The following UNC79 variants were observed in gnomAD, a reference collection of about 807,000 sequenced individuals.
UNC79 encodes the protein protein unc-79 homolog.
UNC79 carries 37 observed loss-of-function variants against 283.1 expected under a neutral mutation model. That is an observed-to-expected ratio of 0.13 (90% CI 0.10 to 0.17). The LOEUF is 0.17. UNC79 is among the 10% of genes least tolerant of loss of function. UNC79 has a pLI of 1.00. For synonymous variants in UNC79, 1,107 were observed against 1,200.2 expected, an observed-to-expected ratio of 0.92 and a Z score of 1.61; for missense variants, 2,272 against 3,211.1, an observed-to-expected ratio of 0.71 and a Z score of 7.07.
chr14:93,499,952 T>C (rs919671266), intron 7 of UNC79, among the ~76,000 whole-genome samples: 7 of 151,574 alleles, frequency 4.6e-5, no homozygotes, highest in South Asian at 4.2e-4. Flanking sequence ...TATTTAGGAA[T>C]TGGAAAAAGT....
chr14:93,386,333 G>A (rs2054773853), intron 1 of UNC79, among the ~76,000 whole-genome samples: 2 of 152,150 alleles, frequency 1.3e-5, no homozygotes, highest in African/African-American at 4.8e-5. Flanking sequence ...ACTTGGTCAT[G>A]ATGAATGATC....
At chr14:93,571,792 A>C in intron 14 of UNC79, 102 bp from the exon 15 acceptor site, 1 of 1,217,534 alleles carries the variant, frequency 8.2e-7, no homozygotes, top group Middle Eastern at 2.6e-4. Context: ...GACATGATGG[A>C]TTGTGGCCTT....
exon 14 of UNC79, chr14:93,542,554 C>T (rs767462239): frequency 6.2e-7 from 1 of 1,614,168 alleles, no homozygotes; most frequent in Non-Finnish European, 8.5e-7. Flanking sequence ...CACTCCACTG[C>T]GTATATGATG....
rs187396217 is a variant in UNC79 at position 93,478,724 on chromosome 14, C to T, written c.619+996C>T. Reference sequence around the variant, plus strand: ...TAAGTGTCAGCTTGCTTCTCGCCTTCTCTCAACTATTGTTTTAGAAAAATA... The same window carrying T: ...TAAGTGTCAGCTTGCTTCTCGCCTTTTCTCAACTATTGTTTTAGAAAAATA... On this transcript the variant is annotated intron_variant, in intron 4 of 48. Coordinates refer to ENST00000555664, the Ensembl canonical transcript of UNC79. 2.3e-3 allele frequency among the ~76,000 whole-genome samples: 348 copies of T among 152,326 alleles called. 2 individuals are homozygous for T. Among genetic ancestry groups the T allele is most frequent in the African/African-American group, 7.7e-3 (322 of 41,570 alleles).
chr14:93,378,857 T>C (rs528888198), intron 1 of UNC79, among the ~76,000 whole-genome samples: 42 of 152,336 alleles, frequency 2.8e-4, no homozygotes, highest in African/African-American at 7.7e-4. Context: ...TTCAGTGTGA[T>C]GTATTTAAGA....
At chr14:93,689,496 T>TC (rs1395268352) in intron 44 of UNC79, 2 of 146,276 alleles carry the variant, frequency 1.4e-5, no homozygotes, top group Non-Finnish European at 2.9e-5. Context: ...TCTTTTTTTT[T>TC]TTTTTTTTTT....
At chr14:93,477,085 T>C (rs2057845106) in intron 3 of UNC79, among the ~76,000 whole-genome samples, 1 of 152,306 alleles carries the variant, frequency 6.6e-6, no homozygotes, top group East Asian at 1.9e-4. Context: ...CGGCTTCCCT[T>C]GTTTGGTGCT....
intron 34 of UNC79, among the ~76,000 whole-genome samples, chr14:93,644,787 C>T (rs1357644227): frequency 6.6e-6 from 1 of 152,176 alleles, no homozygotes; most frequent in African/African-American, 2.4e-5. Context: ...GCATTATAAA[C>T]TCCTCAACCC....
At chr14:93,706,967 A>G (rs1250143560), downstream of UNC79, 8 of 1,574,506 alleles carry the variant, frequency 5.1e-6, no homozygotes. Flanking sequence ...AAAAACAAAC[A>G]ATTTGATCCA....
intron 15 of UNC79, 73 bp downstream of exon 15, chr14:93,572,157 C>T (rs1214736206): frequency 3.7e-5 from 55 of 1,480,474 alleles, no homozygotes; most frequent in Middle Eastern, 2.4e-4. Context: ...TACTGTATGC[C>T]GGTCACCCTA....
intron 26 of UNC79, 107 bp downstream of exon 26, chr14:93,603,525 G>A: frequency 1.5e-6 from 2 of 1,332,088 alleles, no homozygotes; most frequent in South Asian, 1.5e-5. Flanking sequence ...AGCAAACTGA[G>A]TTTGTTCAAT....
chr14:93,426,344 G>C (rs976601596), upstream of UNC79, among the ~76,000 whole-genome samples: 1 of 151,160 alleles, frequency 6.6e-6, no homozygotes, highest in African/African-American at 2.4e-5. Context: ...TTGGGGGTTT[G>C]TACTTCTTTT....
intron 7 of UNC79, among the ~76,000 whole-genome samples, chr14:93,505,120 A>G (rs2059465334): frequency 6.6e-6 from 1 of 152,102 alleles, no homozygotes; most frequent in Admixed American, 6.5e-5. Context: ...TGTAAAAAGA[A>G]CTTCTATTTG....
chr14:93,650,451 T>C (rs1423367099), intron 35 of UNC79, among the ~76,000 whole-genome samples: 1 of 152,192 alleles, frequency 6.6e-6, no homozygotes, highest in East Asian at 1.9e-4. Flanking sequence ...GGTTGTTTCA[T>C]ATTCTTGCCC....
intron 14 of UNC79, among the ~76,000 whole-genome samples, chr14:93,569,498 G>A (rs2063094387): frequency 6.6e-6 from 1 of 152,162 alleles, no homozygotes; most frequent in Non-Finnish European, 1.5e-5. Flanking sequence ...TTTAGTTCTG[G>A]ATGGTAGAAG....
intron 11 of UNC79, among the ~76,000 whole-genome samples, chr14:93,534,301 G>T (rs1433634892): frequency 6.6e-6 from 1 of 152,214 alleles, no homozygotes; most frequent in African/African-American, 2.4e-5. Context: ...ATAAGAAATG[G>T]TCCATGTTGC....
chr14:93,541,425 G>A (rs2061364324), intron 13 of UNC79, among the ~76,000 whole-genome samples: 1 of 152,176 alleles, frequency 6.6e-6, no homozygotes, highest in Non-Finnish European at 1.5e-5. Context: ...CGGCAGAGAA[G>A]CAGGCTTTTG....
exon 26 of UNC79, chr14:93,603,324 C>T: frequency 6.2e-7 from 1 of 1,614,138 alleles, no homozygotes; most frequent in Non-Finnish European, 8.5e-7. Flanking sequence ...CAAGAAACCG[C>T]CAGAAGAGTG....
chr14:93,378,884 A>C (rs2054611910), intron 1 of UNC79, among the ~76,000 whole-genome samples: 1 of 152,208 alleles, frequency 6.6e-6, no homozygotes, highest in African/African-American at 2.4e-5. Flanking sequence ...GAAAACTTAG[A>C]TACATGGTAG....
Sources: gnomAD v4.1 joint callset for allele counts (sites outside exome capture counted in the v4.1 genomes callset) on GRCh38, gnomAD v4.1.1 for gene constraint, MANE v1.5 for transcripts, NCBI Gene and HGNC (gene_info 2026-07-23, HGNC 2026-07-21) for gene names.